Variants in FBXL13 observed in about 807,000 individuals in gnomAD.
FBXL13 encodes the protein F-box and leucine-rich repeat protein 13.
A neutral mutation model predicts 83.6 loss-of-function variants in FBXL13; 67 were observed. The observed-to-expected ratio is 0.80, with a 90% CI of 0.66 to 0.98. The LOEUF (loss-of-function observed/expected upper bound fraction) is 0.98, where lower values mean the gene tolerates loss of function less well. Among genes scored for constraint, FBXL13 ranks in the 50% least tolerant of loss-of-function variants. The pLI is 0.00. For synonymous variants in FBXL13, 272 were observed against 299.5 expected (o/e 0.91, Z 0.95); for missense variants, 822 against 866.5 (o/e 0.95, Z 0.64).
chr7:102,838,472 A>T (rs1242441124), intron 17 of FBXL13, among the ~76,000 whole-genome samples: 1 of 151,944 alleles, frequency 6.6e-6, no homozygotes, highest in Non-Finnish European at 1.5e-5. Flanking sequence ...TTTTTTTGAG[A>T]CAGAGTGTCA....
intron 6 of FBXL13, among the ~76,000 whole-genome samples, chr7:103,004,748 C>G (rs563008682): frequency 3.7e-4 from 57 of 152,254 alleles, no homozygotes; most frequent in African/African-American, 1.3e-3. Flanking sequence ...CTCTTACTGT[C>G]TGCTGAGAGT....
intron 15 of FBXL13, among the ~76,000 whole-genome samples, chr7:102,878,071 G>T (rs1809506554): frequency 6.6e-6 from 1 of 152,040 alleles, no homozygotes; most frequent in Non-Finnish European, 1.5e-5. Context: ...AAAGTACAGG[G>T]AAGCCACCCA....
At chr7:103,022,440 T>A (rs1187331621) in intron 6 of FBXL13, among the ~76,000 whole-genome samples, 4 of 151,830 alleles carry the variant, frequency 2.6e-5, no homozygotes, top group African/African-American at 9.7e-5. Context: ...GTAACAAACC[T>A]GCACGTTGTG....
intron 19 of FBXL13, among the ~76,000 whole-genome samples, chr7:102,817,278 G>T (rs1158717930): frequency 6.6e-6 from 1 of 151,876 alleles, no homozygotes; most frequent in Non-Finnish European, 1.5e-5. Flanking sequence ...TTTATTTTTT[G>T]ACTTTTTAAT....
intron 2 of FBXL13, among the ~76,000 whole-genome samples, chr7:103,030,387 G>A (rs1302515590): frequency 2.6e-5 from 4 of 152,112 alleles, no homozygotes; most frequent in Admixed American, 6.6e-5. Flanking sequence ...CAACATAAAC[G>A]ATTCAAGTCA....
At chr7:102,999,799 T>G (rs755327344) in intron 6 of FBXL13, among the ~76,000 whole-genome samples, 2 of 152,188 alleles carry the variant, frequency 1.3e-5, no homozygotes, top group Non-Finnish European at 2.9e-5. Flanking sequence ...CTTCTTTTTT[T>G]CTTAGTCTAA....
At chr7:102,893,887 AAG>A (rs1811875688) in intron 11 of FBXL13, among the ~76,000 whole-genome samples, 1 of 150,706 alleles carries the variant, frequency 6.6e-6, no homozygotes, top group Non-Finnish European at 1.5e-5. Flanking sequence ...AAGAAAAAGA[AAG>A]AGAGGAAGGA....
intron 8 of FBXL13, among the ~76,000 whole-genome samples, chr7:102,935,526 C>T (rs373691083): frequency 1.2e-4 from 18 of 152,100 alleles, no homozygotes; most frequent in African/African-American, 4.3e-4. Context: ...TAGAATATTA[C>T]CTACTTCCTG....
intron 2 of FBXL13, among the ~76,000 whole-genome samples, chr7:103,051,603 A>G (rs1796821356): frequency 6.6e-6 from 1 of 152,180 alleles, no homozygotes; most frequent in Non-Finnish European, 1.5e-5. Context: ...CATTTCTGAC[A>G]CCATCTGATA....
intron 11 of FBXL13, among the ~76,000 whole-genome samples, chr7:102,895,480 C>G (rs1486112237): frequency 6.6e-6 from 1 of 152,196 alleles, no homozygotes; most frequent in Non-Finnish European, 1.5e-5. Context: ...TTTCATCCAG[C>G]TTCTTCTCCA....
At chr7:102,974,626 G>A (rs867053817) in intron 6 of FBXL13, among the ~76,000 whole-genome samples, 1 of 151,864 alleles carries the variant, frequency 6.6e-6, no homozygotes, top group Non-Finnish European at 1.5e-5. Flanking sequence ...ATCACAACCC[G>A]ACCTCTGTAA....
intron 8 of FBXL13, among the ~76,000 whole-genome samples, chr7:102,945,703 G>A (rs1440979445): frequency 4.6e-5 from 7 of 152,074 alleles, no homozygotes; most frequent in African/African-American, 7.2e-5. Context: ...AGAAATATTC[G>A]CATGTCCTTA....
chr7:103,054,931 C>T (rs1237895487), intron 2 of FBXL13, among the ~76,000 whole-genome samples, 157 bp downstream of exon 3: 2 of 151,844 alleles, frequency 1.3e-5, no homozygotes, highest in African/African-American at 2.4e-5. Context: ...GCTTTGCATG[C>T]GTCTGTGTAT....
At chr7:102,939,446 AAAC>A (rs756504821) in intron 8 of FBXL13, 44 of 1,605,682 alleles carry the variant, frequency 2.7e-5, no homozygotes, top group Non-Finnish European at 3.7e-5. Context: ...AAAAAGTGCC[AAAC>A]AACATCCCTC....
At chr7:103,074,234 C>T in intron 1 of FBXL13, 2 of 996,258 alleles carry the variant, frequency 2.0e-6, no homozygotes, top group Non-Finnish European at 2.4e-6. Flanking sequence ...TCCATGGAAA[C>T]CTCAGGCTCA....
intron 8 of FBXL13, chr7:102,942,448 T>C: frequency 1.0e-6 from 1 of 979,444 alleles, no homozygotes; most frequent in African/African-American, 1.7e-5. Flanking sequence ...GATACCCTAC[T>C]AGGGGGTTTT....
intron 8 of FBXL13, among the ~76,000 whole-genome samples, chr7:102,937,940 T>A (rs1320197481): frequency 6.6e-6 from 1 of 152,088 alleles, no homozygotes; most frequent in Non-Finnish European, 1.5e-5. Flanking sequence ...TTGCAATGAG[T>A]CAGATGGTGT....
intron 17 of FBXL13, among the ~76,000 whole-genome samples, chr7:102,840,888 A>G (rs1412935450): frequency 6.6e-6 from 1 of 152,208 alleles, no homozygotes; most frequent in Non-Finnish European, 1.5e-5. Flanking sequence ...TTCCAAAAGC[A>G]CTTGGAAGAC....
At chr7:103,054,124 A>C (rs912207392) in intron 2 of FBXL13, among the ~76,000 whole-genome samples, 92 of 112,114 alleles carry the variant, frequency 8.2e-4, no homozygotes, top group African/African-American at 2.4e-3. Flanking sequence ...GGCCAAGCAC[A>C]GTGGCTCACA....
Sources: allele counts gnomAD v4.1 joint callset (sites outside exome capture counted in the v4.1 genomes callset), GRCh38; gene constraint gnomAD v4.1.1; transcripts MANE v1.5; gene names NCBI Gene and HGNC (gene_info 2026-07-23, HGNC 2026-07-21).